The following LNPK variants were observed in gnomAD, a reference collection of about 807,000 sequenced individuals.
LNPK encodes the protein endoplasmic reticulum junction formation protein lunapark.
Under a neutral mutation model 55.2 loss-of-function variants are expected in LNPK, and 29 were observed. That is an observed-to-expected ratio of 0.53 (90% CI 0.39 to 0.72). The LOEUF is 0.72. LNPK is among the 30% of genes least tolerant of loss of function. The pLI is 0.00. For synonymous variants in LNPK, 162 were observed against 168.2 expected (o/e 0.96, Z 0.29); for missense variants, 467 against 494.8 (o/e 0.94, Z 0.53).
At chr2:175,975,698 C>T (rs1329059571) in intron 5 of LNPK, among the ~76,000 whole-genome samples, 1 of 152,160 alleles carries the variant, frequency 6.6e-6, no homozygotes. Flanking sequence ...CTTTCTGTTC[C>T]CATTTTATAA....
rs184158597 is a variant in LNPK, at chr2:175,964,597, C to T, written c.358-8G>A. ...TTCCATGACTTCTTCAAGCTACGAA[C>T]AAAAATTTCCATAAATTGTCACACT... On this transcript the variant is annotated splice_polypyrimidine_tract_variant and splice_region_variant and intron_variant, in intron 6 of 12. Coordinates refer to ENST00000272748, the MANE Select transcript of LNPK (RefSeq NM_030650.3). The T allele has an allele frequency of 5.1e-5, 76 of 1,504,178 alleles. No homozygotes were observed. The African/African-American group carries it at 9.7e-4, about 19-fold the overall frequency. 93.2% of individuals were successfully genotyped at this position (1,504,178 alleles called of 1,614,324 possible).
Position 175,929,172 on chromosome 2 carries a change from A to C in LNPK, c.*795T>G. On this transcript the variant is annotated 3_prime_UTR_variant, in exon 13 of 13. Coordinates refer to ENST00000272748, the MANE Select transcript of LNPK (RefSeq NM_030650.3). Reference sequence around the variant, plus strand: ...AATAAAATACAAACAAGAGCACAAAATTCACTTATATATCATCATTTTATA... The same window carrying C: ...AATAAAATACAAACAAGAGCACAAACTTCACTTATATATCATCATTTTATA... 1.0e-6 allele frequency: 1 copy of C among 968,368 alleles called. No individual in the cohort carries two copies. Among genetic ancestry groups the C allele is most frequent in the Non-Finnish European group, 1.2e-6 (1 of 814,022 alleles). 60.0% of individuals were successfully genotyped at this position (968,368 alleles called of 1,614,324 possible). A position where few individuals can be genotyped will look rare whatever the true frequency, so the allele number is the denominator to read the frequency against.
intron 8 of LNPK, among the ~76,000 whole-genome samples, chr2:175,958,458 C>T (rs752669706): frequency 1.3e-5 from 2 of 152,156 alleles, no homozygotes; most frequent in South Asian, 2.1e-4. Flanking sequence ...CAAACTGCAA[C>T]CGACCTGCAG....
At chr2:175,945,058 C>A (rs151176743) in intron 9 of LNPK, among the ~76,000 whole-genome samples, 152 of 151,772 alleles carry the variant, frequency 1.0e-3, no homozygotes, top group African/African-American at 3.3e-3. Context: ...GCCACCAGGC[C>A]CGGCTAATTT....
rs1028280711 is a variant in LNPK, at chr2:175,993,098, T to A, written c.69+84A>T. The A allele has an allele frequency of 5.1e-6, 4 of 784,372 alleles. No homozygotes were observed. The East Asian group carries it at 1.2e-4, about 24-fold the overall frequency. 48.6% of individuals were successfully genotyped at this position (784,372 alleles called of 1,614,324 possible). A position where few individuals can be genotyped will look rare whatever the true frequency, so the allele number is the denominator to read the frequency against. On this transcript the variant is annotated intron_variant, in intron 3 of 12. Transcript: ENST00000272748. ...TCATTTCTAAATTCCCATACCAGAT[T>A]TGGTCTCCAAAATAATATATACTAC...
At chr2:175,935,325 A>T (rs1684488440) in intron 12 of LNPK, among the ~76,000 whole-genome samples, 1 of 152,160 alleles carries the variant, frequency 6.6e-6, no homozygotes, top group African/African-American at 2.4e-5. Context: ...CAGAAATCTA[A>T]AACACTGTCT....
At chr2:175,956,555 C>A (rs1054893454) in intron 8 of LNPK, among the ~76,000 whole-genome samples, 1 of 152,148 alleles carries the variant, frequency 6.6e-6, no homozygotes, top group Non-Finnish European at 1.5e-5. Context: ...GCTTTGCAGA[C>A]CACATAAGCT....
chr2:175,995,461 C>A, intron 2 of LNPK, 97 bp downstream of exon 2: 2 of 810,248 alleles, frequency 2.5e-6, no homozygotes, highest in Non-Finnish European at 3.8e-6. Context: ...TAGCAAACTA[C>A]TATTCAAGGC....
At chr2:175,963,837 A>G (rs1686196067) in intron 8 of LNPK, among the ~76,000 whole-genome samples, 1 of 152,088 alleles carries the variant, frequency 6.6e-6, no homozygotes, top group Non-Finnish European at 1.5e-5. Context: ...AAAATTTTAT[A>G]TAACATTTAA....
intron 4 of LNPK, among the ~76,000 whole-genome samples, chr2:175,981,882 T>C (rs1333046435): frequency 6.6e-6 from 1 of 151,512 alleles, no homozygotes; most frequent in African/African-American, 2.4e-5. Context: ...AGCTGAGACA[T>C]AATAAACATC....
intron 4 of LNPK, among the ~76,000 whole-genome samples, chr2:175,986,914 G>A (rs868458760): frequency 2.0e-5 from 3 of 147,738 alleles, no homozygotes; most frequent in Middle Eastern, 3.7e-3. Context: ...ACATTGTCCT[G>A]AAGGTATTAG....
intron 4 of LNPK, among the ~76,000 whole-genome samples, chr2:175,988,591 G>T (rs1687547395): frequency 6.8e-6 from 1 of 146,430 alleles, no homozygotes. Context: ...TGACTTCTTT[G>T]TCAGCTTATT....
In LNPK at chr2:175,970,796, A is replaced by G. The variant is rs1180561181; in HGVS notation, c.325T>C (p.Leu109=). The G allele has an allele frequency of 7.1e-7, 1 of 1,412,898 alleles. No homozygotes were observed. Among genetic ancestry groups the G allele is most frequent in the Non-Finnish European group, 9.5e-7 (1 of 1,057,426 alleles). 87.5% of individuals were successfully genotyped at this position (1,412,898 alleles called of 1,614,324 possible). The change falls in exon 6 of 13, where the codon TTG becomes CTG. Residue 109 remains leucine (L), a synonymous_variant. Transcript: ENST00000272748. ...SKRTERNNEA[L]DDLKSQRKKI... Reference sequence around the variant, plus strand: ...TTCCTCTGGGATTTTAAATCATCCAATGCTTCATCTAGAAAGCAAGATTTA... The same window carrying G: ...TTCCTCTGGGATTTTAAATCATCCAGTGCTTCATCTAGAAAGCAAGATTTA...
At chr2:175,953,396 T>C (rs1490336058) in intron 8 of LNPK, among the ~76,000 whole-genome samples, 1 of 152,128 alleles carries the variant, frequency 6.6e-6, no homozygotes, top group Non-Finnish European at 1.5e-5. Context: ...CAACTACCTA[T>C]GAACCTCAGC....
intron 4 of LNPK, among the ~76,000 whole-genome samples, chr2:175,981,987 T>C (rs1687195260): frequency 6.6e-6 from 1 of 152,172 alleles, no homozygotes; most frequent in South Asian, 2.1e-4. Flanking sequence ...TTTTGTGACA[T>C]GAAAACACCA....
chr2:175,991,089 T>C (rs922301332), intron 4 of LNPK, among the ~76,000 whole-genome samples: 5 of 152,168 alleles, frequency 3.3e-5, no homozygotes, highest in Admixed American at 6.5e-5. Flanking sequence ...ATTAACACAG[T>C]AGAGTTCCCT....
At chr2:175,941,436 T>C (rs1037563435) in intron 9 of LNPK, among the ~76,000 whole-genome samples, 4 of 151,794 alleles carry the variant, frequency 2.6e-5, no homozygotes, top group Non-Finnish European at 5.9e-5. Flanking sequence ...AAATCCCAAA[T>C]ACAAGAAACA....
chr2:175,939,036 AT>A (rs1684684349), intron 10 of LNPK, among the ~76,000 whole-genome samples: 1 of 152,140 alleles, frequency 6.6e-6, no homozygotes, highest in Non-Finnish European at 1.5e-5. Context: ...AATAATATTA[AT>A]TAGGAGCGCT....
chr2:175,959,065 T>C (rs1234683622), intron 8 of LNPK, among the ~76,000 whole-genome samples: 3 of 152,212 alleles, frequency 2.0e-5, no homozygotes, highest in Non-Finnish European at 4.4e-5. Flanking sequence ...TATGGGACTA[T>C]GTGAAAAGAC....
Sources: allele counts gnomAD v4.1 joint callset (sites outside exome capture counted in the v4.1 genomes callset), GRCh38; gene constraint gnomAD v4.1.1; transcripts MANE v1.5; gene names NCBI Gene and HGNC (gene_info 2026-07-23, HGNC 2026-07-21).